SRD5A2: variants seen among roughly 807,000 people sequenced by gnomAD.
SRD5A2 encodes the protein 3-oxo-5-alpha-steroid 4-dehydrogenase 2.
A neutral mutation model predicts 27.4 loss-of-function variants in SRD5A2; 30 were observed. The observed-to-expected ratio is 1.10, with a 90% CI of 0.82 to 1.49. The LOEUF is 1.49. Among genes scored for constraint, SRD5A2 ranks in the 40% most tolerant of loss-of-function variants. SRD5A2 has a pLI of 0.00. For missense variants in SRD5A2, 348 were observed against 323.4 expected (o/e 1.08, Z -0.58); for synonymous variants, 141 against 133.6 (o/e 1.06, Z -0.38).
the SRD5A2 span, among the ~76,000 whole-genome samples, chr2:31,592,908 T>G: frequency 6.6e-6 from 1 of 152,234 alleles, no homozygotes; most frequent in African/African-American, 2.4e-5. Flanking sequence ...CAGAGAAAAG[T>G]GAAAACCAAT....
chr2:31,626,527 T>C, the SRD5A2 span, among the ~76,000 whole-genome samples: 2 of 152,174 alleles, frequency 1.3e-5, no homozygotes, highest in Admixed American at 6.6e-5. Flanking sequence ...TTGAGATACA[T>C]CCCATCAGCA....
At chr2:31,632,941 G>A in the SRD5A2 span, among the ~76,000 whole-genome samples, 5 of 152,076 alleles carry the variant, frequency 3.3e-5, no homozygotes, top group African/African-American at 1.2e-4. Context: ...AACTTCCGAG[G>A]GAACACCTAT....
the SRD5A2 span, among the ~76,000 whole-genome samples, chr2:31,627,433 G>T: frequency 3.3e-3 from 497 of 149,702 alleles, 3 homozygotes; most frequent in Admixed American, 6.9e-3. Flanking sequence ...TTTGTACGGG[G>T]GTGTGTGTGT....
At chr2:31,561,985 A>G (rs969990331) in intron 1 of SRD5A2, among the ~76,000 whole-genome samples, 1 of 152,178 alleles carries the variant, frequency 6.6e-6, no homozygotes, top group Non-Finnish European at 1.5e-5. Context: ...TTATTACAAA[A>G]TCAAGAAAAT....
At chr2:31,526,445 C>T (rs1187304977) in intron 4 of SRD5A2, among the ~76,000 whole-genome samples, 183 bp from the exon 5 acceptor site, 1 of 152,136 alleles carries the variant, frequency 6.6e-6, no homozygotes. Flanking sequence ...GTTGAAGCTT[C>T]TTTTGCTGGG....
At chr2:31,646,848 C>T in the SRD5A2 span, among the ~76,000 whole-genome samples, 1 of 151,958 alleles carries the variant, frequency 6.6e-6, no homozygotes, top group Non-Finnish European at 1.5e-5. Flanking sequence ...CAAAGCAAAA[C>T]AAAAAAACCA....
upstream of SRD5A2, among the ~76,000 whole-genome samples, chr2:31,583,006 G>T (rs555972193): frequency 1.4e-4 from 21 of 152,038 alleles, no homozygotes; most frequent in Non-Finnish European, 2.6e-4. Context: ...TTGTCCTCAT[G>T]ATCTTTTCTC....
the SRD5A2 span, among the ~76,000 whole-genome samples, chr2:31,631,168 G>T: frequency 1.3e-5 from 2 of 152,176 alleles, no homozygotes; most frequent in African/African-American, 4.8e-5. Context: ...CGTCTGGGTT[G>T]TTATGAAATA....
chr2:31,638,957 G>C, the SRD5A2 span, among the ~76,000 whole-genome samples: 1 of 151,678 alleles, frequency 6.6e-6, no homozygotes. Flanking sequence ...CCATTTTGTT[G>C]CTTGTTTTCT....
the SRD5A2 span, among the ~76,000 whole-genome samples, chr2:31,604,884 C>CATT: frequency 6.6e-6 from 1 of 151,796 alleles, no homozygotes; most frequent in Admixed American, 6.6e-5. Flanking sequence ...TGAGGAATCA[C>CATT]ATTATCTGAC....
the SRD5A2 span, among the ~76,000 whole-genome samples, chr2:31,614,887 C>T: frequency 6.6e-6 from 1 of 151,936 alleles, no homozygotes; most frequent in Non-Finnish European, 1.5e-5. Context: ...GAGGGACCCA[C>T]TGGGAGAAAA....
At chr2:31,527,492 T>A (rs573811048) in intron 4 of SRD5A2, 1 of 152,324 alleles carries the variant, frequency 6.6e-6, no homozygotes, top group Non-Finnish European at 1.5e-5. Context: ...CTTCTGGCCC[T>A]TCTCTGGGAG....
chr2:31,593,311 T>C, the SRD5A2 span, among the ~76,000 whole-genome samples: 1 of 151,104 alleles, frequency 6.6e-6, no homozygotes, highest in Non-Finnish European at 1.5e-5. Context: ...GGATGAAAAA[T>C]TCTTCAGAGA....
chr2:31,610,446 A>G, the SRD5A2 span, among the ~76,000 whole-genome samples: 1 of 152,212 alleles, frequency 6.6e-6, no homozygotes, highest in East Asian at 1.9e-4. Context: ...ACAACTGTTT[A>G]TATTTTAAAA....
intron 1 of SRD5A2, among the ~76,000 whole-genome samples, chr2:31,572,220 A>C (rs866655390): frequency 2.0e-5 from 3 of 152,234 alleles, no homozygotes; most frequent in South Asian, 2.1e-4. Flanking sequence ...CTGAAAACCA[A>C]CTGCATATCC....
chr2:31,531,161 G>A (rs1042319760), intron 3 of SRD5A2, among the ~76,000 whole-genome samples: 2 of 152,200 alleles, frequency 1.3e-5, no homozygotes, highest in African/African-American at 4.8e-5. Flanking sequence ...ACCTTCCTGA[G>A]GGCTCTGGTA....
chr2:31,621,182 A>G, the SRD5A2 span, among the ~76,000 whole-genome samples: 1 of 151,914 alleles, frequency 6.6e-6, no homozygotes, highest in Non-Finnish European at 1.5e-5. Context: ...ATTGACATTG[A>G]TACAATCAAG....
At chr2:31,621,077 A>T in the SRD5A2 span, among the ~76,000 whole-genome samples, 90 of 151,582 alleles carry the variant, frequency 5.9e-4, no homozygotes, top group African/African-American at 1.3e-3. Context: ...TATGCATTTT[A>T]AAAAAATAAT....
the SRD5A2 span, among the ~76,000 whole-genome samples, chr2:31,595,575 G>GAA: frequency 1.3e-5 from 2 of 150,862 alleles, no homozygotes; most frequent in Non-Finnish European, 3.0e-5. Flanking sequence ...GTTGCCAAGG[G>GAA]AAAAAAAAAT....
Sources: allele counts gnomAD v4.1 joint callset (sites outside exome capture counted in the v4.1 genomes callset), GRCh38; gene constraint gnomAD v4.1.1; transcripts MANE v1.5; gene names NCBI Gene and HGNC (gene_info 2026-07-23, HGNC 2026-07-21).